PHF14: variants seen among roughly 807,000 people sequenced by gnomAD.
The protein encoded by PHF14 is PHD finger protein 14.
Under a neutral mutation model 117.9 loss-of-function variants are expected in PHF14, and 55 were observed. That is an observed-to-expected ratio of 0.47 (90% CI 0.38 to 0.58). The LOEUF (loss-of-function observed/expected upper bound fraction) is 0.58. Ranked by LOEUF, PHF14 falls within the 20% of genes least tolerant of loss-of-function variation. The probability of loss-of-function intolerance (pLI) is 0.00; values close to 1 mark genes in which losing one functional copy is unlikely to be tolerated. For synonymous variants in PHF14, 409 were observed against 368.6 expected (o/e 1.11, Z -1.26); for missense variants, 978 against 1,122.2 (o/e 0.87, Z 1.84).
chr7:11,078,394 T>C (rs1785949798), intron 16 of PHF14, among the ~76,000 whole-genome samples: 1 of 152,126 alleles, frequency 6.6e-6, no homozygotes, highest in Non-Finnish European at 1.5e-5. Context: ...GGCATAGAGC[T>C]AAAATTAAGA....
intron 17 of PHF14, among the ~76,000 whole-genome samples, chr7:11,167,950 T>C (rs910753748): frequency 4.1e-5 from 6 of 146,796 alleles, no homozygotes; most frequent in African/African-American, 7.6e-5. Context: ...GGCGTGAACC[T>C]GGGAGGCGGA....
Position 10,982,467 on chromosome 7 carries a change from C to T in PHF14, c.208C>T (p.Leu70=). ...DSEENILEEE[L]NEDIKVKEEQ... ...TGAAGAAAATATTTTAGAAGAAGAACTGAATGAAGATATTAAAGTAAAAGA... is the reference window on the plus strand; with the variant it reads ...TGAAGAAAATATTTTAGAAGAAGAATTGAATGAAGATATTAAAGTAAAAGA... Residue 70 remains leucine, a synonymous_variant, in exon 3 of 18, where the codon CTG becomes TTG. Coordinates refer to ENST00000634607, the MANE Select transcript of PHF14 (RefSeq NM_001007157.2). The T allele has an allele frequency of 1.3e-6, 2 of 1,586,994 alleles. No homozygotes were observed. The highest frequency in any genetic ancestry group is 4.5e-5 in the East Asian group (2 of 44,642).
intron 17 of PHF14, among the ~76,000 whole-genome samples, chr7:11,117,676 TTG>T (rs1486747241): frequency 1.3e-4 from 19 of 151,506 alleles, no homozygotes; most frequent in African/African-American, 4.6e-4. Context: ...ATTGAGAATT[TTG>T]TGTCTTTAAG....
chr7:11,027,481 T>A (rs562515361), intron 6 of PHF14, among the ~76,000 whole-genome samples: 1 of 152,278 alleles, frequency 6.6e-6, no homozygotes, highest in African/African-American at 2.4e-5. Context: ...AGATTTCTGT[T>A]ACCAGAGTAG....
chr7:11,106,983 A>G (rs1356365276), intron 16 of PHF14: 1 of 983,188 alleles, frequency 1.0e-6, no homozygotes, highest in Non-Finnish European at 1.2e-6. Context: ...TCCTTGTTCA[A>G]GTCTATGTTA....
chr7:11,106,089 C>A, intron 16 of PHF14: 2 of 983,770 alleles, frequency 2.0e-6, no homozygotes, highest in Non-Finnish European at 2.4e-6. Context: ...TGAAGAGTTG[C>A]TTGACCTTAT....
chr7:11,103,540 C>G (rs1044944748), intron 16 of PHF14: 13 of 984,992 alleles, frequency 1.3e-5, no homozygotes, highest in Non-Finnish European at 1.6e-5. Flanking sequence ...TTTCATCACT[C>G]AATCTTGAAC....
intron 2 of PHF14, among the ~76,000 whole-genome samples, chr7:10,979,895 G>T (rs1781995025): frequency 6.6e-6 from 1 of 151,908 alleles, no homozygotes; most frequent in Non-Finnish European, 1.5e-5. Flanking sequence ...TGAGGGGTTG[G>T]GTAAGCTATT....
At chr7:11,135,497 T>C (rs1024318924) in intron 17 of PHF14, among the ~76,000 whole-genome samples, 3 of 152,172 alleles carry the variant, frequency 2.0e-5, no homozygotes, top group African/African-American at 7.2e-5. Context: ...AAAATTATTT[T>C]GATACTATGC....
chr7:11,039,364 T>G (rs1784428218), intron 11 of PHF14, among the ~76,000 whole-genome samples: 1 of 152,134 alleles, frequency 6.6e-6, no homozygotes, highest in Non-Finnish European at 1.5e-5. Context: ...TTAAAATGTA[T>G]TTTTCCCCTT....
At chr7:11,083,021 G>C (rs1227064471) in intron 16 of PHF14, among the ~76,000 whole-genome samples, 3 of 152,082 alleles carry the variant, frequency 2.0e-5, no homozygotes, top group Non-Finnish European at 4.4e-5. Flanking sequence ...GCTTATCACA[G>C]ATGACTTCTA....
chr7:10,979,545 T>TTC (rs1164434898), intron 2 of PHF14, among the ~76,000 whole-genome samples: 1 of 151,284 alleles, frequency 6.6e-6, no homozygotes, highest in Non-Finnish European at 1.5e-5. Context: ...TTCCTTTCCT[T>TTC]TCTCTCTCTT....
At chr7:11,059,098 A>G (rs986484020) in intron 14 of PHF14, among the ~76,000 whole-genome samples, 3 of 152,174 alleles carry the variant, frequency 2.0e-5, no homozygotes, top group Non-Finnish European at 4.4e-5. Context: ...ATAAATATAG[A>G]GAGAAATGGA....
chr7:11,065,076 C>G (rs1023763733), intron 16 of PHF14, among the ~76,000 whole-genome samples: 2 of 151,914 alleles, frequency 1.3e-5, no homozygotes, highest in Non-Finnish European at 2.9e-5. Context: ...TGTCTAGAAT[C>G]TAGGAGACAA....
intron 4 of PHF14, among the ~76,000 whole-genome samples, chr7:11,010,917 A>T (rs926948525): frequency 2.0e-5 from 3 of 152,266 alleles, no homozygotes; most frequent in East Asian, 3.9e-4. Context: ...AGCCTCCCAA[A>T]GCATTGGGAT....
chr7:10,986,314 A>G (rs1220092233), intron 3 of PHF14, among the ~76,000 whole-genome samples: 1 of 152,134 alleles, frequency 6.6e-6, no homozygotes, highest in African/African-American at 2.4e-5. Flanking sequence ...ATTGAGGACA[A>G]CCATTAATAT....
chr7:10,994,176 C>T (rs1282019781), intron 4 of PHF14, among the ~76,000 whole-genome samples: 11 of 151,216 alleles, frequency 7.3e-5, no homozygotes, highest in East Asian at 2.0e-4. Context: ...CAATGGCCCA[C>T]GCCTGTAATC....
chr7:11,168,792 C>G (rs1473727873), intron 17 of PHF14, among the ~76,000 whole-genome samples: 1 of 152,088 alleles, frequency 6.6e-6, no homozygotes, highest in Non-Finnish European at 1.5e-5. Context: ...CCATTTAATA[C>G]TGAACACAAG....
chr7:11,154,314 C>T (rs1461841032), intron 17 of PHF14, among the ~76,000 whole-genome samples: 1 of 151,982 alleles, frequency 6.6e-6, no homozygotes, highest in Non-Finnish European at 1.5e-5. Context: ...AAAAGAAAAA[C>T]AAAATGTAAA....
Sources: allele counts gnomAD v4.1 joint callset (sites outside exome capture counted in the v4.1 genomes callset), GRCh38; gene constraint gnomAD v4.1.1; transcripts MANE v1.5; gene names NCBI Gene and HGNC (gene_info 2026-07-23, HGNC 2026-07-21).